The following SLC35D1 variants were observed in gnomAD, a reference collection of about 807,000 sequenced individuals.
The protein encoded by SLC35D1 is nucleotide sugar transporter SLC35D1.
A neutral mutation model predicts 46.7 loss-of-function variants in SLC35D1; 31 were observed. That is an observed-to-expected ratio of 0.66 (90% CI 0.50 to 0.90). The LOEUF is 0.90. SLC35D1 is among the 40% of genes least tolerant of loss of function. The pLI, the probability that SLC35D1 is intolerant of heterozygous loss-of-function variation, is 0.00. For missense variants in SLC35D1, 397 were observed against 426.2 expected (o/e 0.93, Z 0.60); for synonymous variants, 195 against 164.6 (o/e 1.18, Z -1.41).
chr1:67,027,982 T>C (rs975975549), intron 8 of SLC35D1, among the ~76,000 whole-genome samples: 2 of 152,188 alleles, frequency 1.3e-5, no homozygotes, highest in African/African-American at 4.8e-5. Flanking sequence ...TCCACCTATC[T>C]CAGCCTCTCA....
chr1:66,992,821 T>C, the SLC35D1 span, among the ~76,000 whole-genome samples: 3 of 152,330 alleles, frequency 2.0e-5, no homozygotes, highest in African/African-American at 7.2e-5. Flanking sequence ...AAAAGGAAAA[T>C]AGGCTGGTCA....
chr1:67,025,318 C>T (rs1667895024), intron 8 of SLC35D1, among the ~76,000 whole-genome samples: 2 of 152,122 alleles, frequency 1.3e-5, no homozygotes, highest in South Asian at 4.1e-4. Flanking sequence ...ATTGTTCTAC[C>T]AACATTTGCT....
At chr1:67,024,302 G>A (rs563015566) in intron 8 of SLC35D1, among the ~76,000 whole-genome samples, 1 of 152,266 alleles carries the variant, frequency 6.6e-6, no homozygotes, top group East Asian at 1.9e-4. Context: ...TAATGTTGAT[G>A]TAGTCTAACA....
chr1:67,014,617 T>A lies in SLC35D1; in HGVS notation c.877-5450A>T, dbSNP rs1201957754. On this transcript the variant is annotated intron_variant, in intron 10 of 11. Transcript: ENST00000235345. ...CATGATTTTAGTAATCCTTAATAAA[T>A]TAAAAGTTTAAAAATTATTAGTAAA... Among the ~76,000 whole-genome samples the A allele has an allele frequency of 5.3e-5, 8 of 150,176 alleles. No individual in the cohort carries two copies. The East Asian group carries it at 1.6e-3, about 29-fold the overall frequency.
the SLC35D1 span, chr1:66,986,466 T>C: frequency 6.2e-7 from 1 of 1,609,476 alleles, no homozygotes; most frequent in Non-Finnish European, 8.5e-7. Context: ...AATGCCTTTT[T>C]AAAATAAAGC....
At position 67,002,450 on chromosome 1, in the gene SLC35D1, G is replaced by A. The variant is rs1406205747; in HGVS notation, c.*1890C>T. ...TCAATAAAAAGGACATGGGTTTGAT[G>A]TATTAGCAAGTCATCTTTCTCTGAG... On this transcript the variant is annotated 3_prime_UTR_variant, in exon 12 of 12. Transcript: ENST00000235345. 6.6e-6 allele frequency: 1 copy of A among 152,384 alleles called. No homozygotes were observed. Among genetic ancestry groups the A allele is most frequent in the Non-Finnish European group, 1.5e-5 (1 of 68,064 alleles). 9.4% of individuals were successfully genotyped at this position (152,384 alleles called of 1,614,324 possible).
intron 8 of SLC35D1, among the ~76,000 whole-genome samples, chr1:67,041,199 T>C (rs1668235064): frequency 2.6e-5 from 4 of 152,208 alleles, no homozygotes; most frequent in Admixed American, 2.0e-4. Flanking sequence ...AATACTTATT[T>C]AATACTCTTT....
At chr1:66,983,227 C>G in the SLC35D1 span, among the ~76,000 whole-genome samples, 1 of 152,184 alleles carries the variant, frequency 6.6e-6, no homozygotes, top group Non-Finnish European at 1.5e-5. Context: ...TTAATTAGTA[C>G]TTTGAAATCT....
chr1:67,014,741 G>A (rs1376150840), intron 10 of SLC35D1, among the ~76,000 whole-genome samples: 1 of 111,434 alleles, frequency 9.0e-6, no homozygotes, highest in Non-Finnish European at 1.6e-5. Flanking sequence ...ACTAAATGTT[G>A]TAAGGTCACA....
At chr1:67,030,144 G>A (rs935628232) in intron 8 of SLC35D1, among the ~76,000 whole-genome samples, 1 of 152,122 alleles carries the variant, frequency 6.6e-6, no homozygotes, top group Non-Finnish European at 1.5e-5. Flanking sequence ...CAGAAGCCTG[G>A]TGTCTTGTAC....
chr1:66,973,185 T>C, the SLC35D1 span, among the ~76,000 whole-genome samples: 1 of 152,220 alleles, frequency 6.6e-6, no homozygotes, highest in Non-Finnish European at 1.5e-5. Context: ...GTGACTGTTT[T>C]CAGTGCATCA....
At chr1:67,052,317 T>A (rs1453924348) in intron 3 of SLC35D1, among the ~76,000 whole-genome samples, 4 of 152,102 alleles carry the variant, frequency 2.6e-5, no homozygotes, top group Non-Finnish European at 5.9e-5. Flanking sequence ...GAAATATGAA[T>A]ATGATCAATG....
At chr1:66,984,865 G>A in the SLC35D1 span, 5 of 1,596,486 alleles carry the variant, frequency 3.1e-6, no homozygotes, top group Non-Finnish European at 4.3e-6. Flanking sequence ...AGTCTCACAT[G>A]GGAAATTTGA....
chr1:66,979,650 T>C, the SLC35D1 span, among the ~76,000 whole-genome samples: 10 of 152,260 alleles, frequency 6.6e-5, no homozygotes, highest in Non-Finnish European at 1.2e-4. Flanking sequence ...TTCTGGATGC[T>C]ATTAATCTTT....
rs1412060395 is a variant in SLC35D1, at chr1:67,054,029, G to A, written c.-16C>T. 2.5e-6 allele frequency: 4 copies of A among 1,605,602 alleles called. No homozygotes were observed. Among genetic ancestry groups the A allele is most frequent in the East Asian group, 2.2e-5 (1 of 44,610 alleles). The stretch of plus-strand genomic sequence containing the variant: ...CTTCCGCCATGGCTGCCGCAGCAGC[G>A]GTGGCCTGGCGGCGGGGCCTAGCGG... On this transcript the variant is annotated 5_prime_UTR_variant, in exon 1 of 12. Coordinates refer to ENST00000235345, the MANE Select transcript of SLC35D1 (RefSeq NM_015139.3).
At chr1:66,981,750 A>G in the SLC35D1 span, 1 of 1,534,464 alleles carries the variant, frequency 6.5e-7, no homozygotes, top group Non-Finnish European at 8.8e-7. Flanking sequence ...AGCTCTTTTT[A>G]ATATAAAAAT....
Position 67,054,021 on chromosome 1 carries a change from G to T in SLC35D1, c.-8C>A, listed in dbSNP as rs769302958. On this transcript the variant is annotated 5_prime_UTR_variant, in exon 1 of 12. Coordinates refer to ENST00000235345, the MANE Select transcript of SLC35D1 (RefSeq NM_015139.3). ...TCTATGAACTTCCGCCATGGCTGCC[G>T]CAGCAGCGGTGGCCTGGCGGCGGGG... The T allele has an allele frequency of 2.1e-5, 33 of 1,607,272 alleles. No homozygotes were observed. Among genetic ancestry groups the T allele is most frequent in the African/African-American group, 2.7e-5 (2 of 74,668 alleles).
At position 67,042,201 on chromosome 1, in the gene SLC35D1, A is replaced by G. The variant is rs572276181; in HGVS notation, c.729+35T>C. 7.1e-4 allele frequency: 1,088 copies of G among 1,528,764 alleles called. 26 individuals are homozygous for G. In the South Asian group the frequency reaches 0.011, roughly 16 times the overall value. The allele number at this position is 1,528,764 out of a possible 1,614,324, so 94.7% of individuals were successfully genotyped here. On this transcript the variant is annotated intron_variant, in intron 8 of 11. Transcript: ENST00000235345. Reference sequence around the variant, plus strand: ...TCATAAATAATAATGCAGTTCATCAACGTAAGCCATTAAACCGTAATTAGA... The same window carrying G: ...TCATAAATAATAATGCAGTTCATCAGCGTAAGCCATTAAACCGTAATTAGA...
intron 9 of SLC35D1, 35 bp downstream of exon 9, chr1:67,021,500 G>A (rs775883761): frequency 9.3e-6 from 15 of 1,609,384 alleles, no homozygotes; most frequent in Non-Finnish European, 1.3e-5. Context: ...ATTTCTTTAG[G>A]AAAACTATCT....
Sources: allele counts gnomAD v4.1 joint callset (sites outside exome capture counted in the v4.1 genomes callset), GRCh38; gene constraint gnomAD v4.1.1; transcripts MANE v1.5; gene names NCBI Gene and HGNC (gene_info 2026-07-23, HGNC 2026-07-21).